BET1: variants seen among roughly 807,000 people sequenced by gnomAD.
BET1 encodes BET1 homolog.
In BET1, 9 loss-of-function variants were observed where a neutral mutation model predicts 13.9. The observed-to-expected ratio is 0.65, with a 90% CI of 0.39 to 1.13. BET1 has a LOEUF of 1.13. Among genes scored for constraint, BET1 ranks in the 50% most tolerant of loss-of-function variants. BET1 has a pLI of 0.01. For missense variants in BET1, 127 were observed against 133.6 expected (o/e 0.95, Z 0.24); for synonymous variants, 39 against 47.3 (o/e 0.82, Z 0.72).
At chr7:93,976,993 C>G (rs1028832284) in intron 4 of BET1, among the ~76,000 whole-genome samples, 2 of 152,124 alleles carry the variant, frequency 1.3e-5, no homozygotes, top group Non-Finnish European at 2.9e-5. Context: ...CAGGTTCCTG[C>G]GAATGCCCTT....
At chr7:93,964,290 A>T (rs1795140849) in exon 7 of BET1, 1 of 151,810 alleles carries the variant, frequency 6.6e-6, no homozygotes, top group African/African-American at 2.4e-5. Context: ...CCCCTTCTAC[A>T]GTGCCTGTTG....
At chr7:93,978,071 T>C (rs1315498778) in intron 4 of BET1, among the ~76,000 whole-genome samples, 1 of 132,516 alleles carries the variant, frequency 7.5e-6, no homozygotes, top group East Asian at 2.5e-4. Flanking sequence ...TCTGCAACTT[T>C]GTTTCTTTTT....
At chr7:93,986,844 T>C (rs1795536072) in intron 4 of BET1, among the ~76,000 whole-genome samples, 1 of 152,228 alleles carries the variant, frequency 6.6e-6, no homozygotes, top group Non-Finnish European at 1.5e-5. Context: ...TGCATTACCT[T>C]TTCTATGATT....
intron 2 of BET1, among the ~76,000 whole-genome samples, chr7:93,998,661 T>G (rs907326840): frequency 4.0e-5 from 6 of 151,498 alleles, no homozygotes; most frequent in East Asian, 1.9e-4. Flanking sequence ...ACTGCACCAT[T>G]GCACTCCAGC....
intron 4 of BET1, among the ~76,000 whole-genome samples, chr7:93,988,029 T>C (rs1795559559): frequency 1.3e-5 from 2 of 152,236 alleles, no homozygotes; most frequent in Non-Finnish European, 2.9e-5. Flanking sequence ...TGGTATGTTA[T>C]TAATCAAGCC....
chr7:93,989,747 TAGAA>T (rs1795595842), downstream of BET1, among the ~76,000 whole-genome samples: 1 of 152,342 alleles, frequency 6.6e-6, no homozygotes, highest in South Asian at 2.1e-4. Context: ...GTGTAACCAA[TAGAA>T]AGAATGTTTT....
At chr7:93,977,306 T>C (rs1398138312) in intron 4 of BET1, among the ~76,000 whole-genome samples, 2 of 152,008 alleles carry the variant, frequency 1.3e-5, no homozygotes, top group African/African-American at 2.4e-5. Flanking sequence ...ACTATACATA[T>C]GCAGAATTAG....
At chr7:94,001,898 A>G (rs1795915208) in intron 1 of BET1, among the ~76,000 whole-genome samples, 1 of 152,142 alleles carries the variant, frequency 6.6e-6, no homozygotes, top group South Asian at 2.1e-4. Context: ...GCTTTTGCCT[A>G]TCTTAATTTT....
chr7:93,994,536 A>G, intron 3 of BET1, 151 bp from the exon 4 acceptor site: 1 of 857,324 alleles, frequency 1.2e-6, no homozygotes, highest in Non-Finnish European at 1.7e-6. Context: ...AACCTTGGAT[A>G]ATCAGCCTGA....
At chr7:93,984,510 T>C (rs756515241) in intron 4 of BET1, among the ~76,000 whole-genome samples, 2 of 152,098 alleles carry the variant, frequency 1.3e-5, no homozygotes, top group Non-Finnish European at 2.9e-5. Context: ...AAATTCCTTC[T>C]ACTGAAGAAG....
downstream of BET1, chr7:93,992,151 C>A (rs961778772): frequency 3.0e-6 from 3 of 984,686 alleles, no homozygotes; most frequent in Non-Finnish European, 3.6e-6. Context: ...TGTGAAGGAG[C>A]AAGACAAAAT....
At position 93,994,308 on chromosome 7, in the gene BET1, T is replaced by A; in HGVS notation, c.279A>T (p.Gln93His). Residue 93 changes from glutamine (Q) to histidine (H), a missense_variant, in exon 4 of 4, where the codon CAA (glutamine) becomes CAT (histidine). Gln to His is a conservative substitution (Grantham distance 24). Coordinates refer to ENST00000222547, the MANE Select transcript of BET1 (RefSeq NM_005868.6). Reference protein sequence around the residue: ...GKLKILSRGSQTKLLCYMMLF... With the variant: ...GKLKILSRGSHTKLLCYMMLF... ...GCATCATATAGCACAGCAGCTTTGT[T>A]TGGCTCCCTCTGGATAAAATCTTCA... 6.2e-7 allele frequency: 1 copy of A among 1,613,894 alleles called. No homozygotes were observed.
rs572991911 is a variant in BET1, at chr7:93,986,225, G to C, written c.235+8127C>G. 3.3e-5 allele frequency among the ~76,000 whole-genome samples: 5 copies of C among 152,240 alleles called. No homozygotes were observed. In the South Asian group the frequency reaches 1.0e-3, roughly 32 times the overall value. Reference sequence around the variant, plus strand: ...CAGAAACTTGAATTTATAAAATAATGTTTGAATTAAATGGTATCTCATTTG... The same window carrying C: ...CAGAAACTTGAATTTATAAAATAATCTTTGAATTAAATGGTATCTCATTTG... On this transcript the variant is annotated intron_variant and NMD_transcript_variant, in intron 4 of 6. Transcript: ENST00000357520.
intron 4 of BET1, among the ~76,000 whole-genome samples, chr7:93,977,133 T>TG (rs1795350033): frequency 2.0e-5 from 3 of 152,090 alleles, no homozygotes; most frequent in Admixed American, 2.0e-4. Flanking sequence ...CTGGATGAAG[T>TG]TTCGTCTACT....
chr7:93,978,668 T>C (rs1219266895), intron 4 of BET1, among the ~76,000 whole-genome samples: 1 of 152,188 alleles, frequency 6.6e-6, no homozygotes, highest in African/African-American at 2.4e-5. Flanking sequence ...TATGTGCCCA[T>C]TTCCCAAGTT....
chr7:93,975,915 A>G, exon 5 of BET1: 1 of 1,137,576 alleles, frequency 8.8e-7, no homozygotes, highest in South Asian at 1.8e-5. Context: ...TCTTTCTTGG[A>G]AGATTTGGAA....
At chr7:93,963,944 T>C (rs1795136101) in exon 7 of BET1, 1 of 152,064 alleles carries the variant, frequency 6.6e-6, no homozygotes, top group South Asian at 2.1e-4. Flanking sequence ...TGTGTGCCTG[T>C]AGTCCCAGCT....
rs1434119017 is a variant in BET1, at chr7:93,975,819, A to G, written c.*48+85T>C. The G allele has an allele frequency of 1.9e-5, 12 of 622,652 alleles. No homozygotes were observed. The South Asian group carries it at 3.8e-4, about 20-fold the overall frequency. 38.6% of individuals were successfully genotyped at this position (622,652 alleles called of 1,614,324 possible). ...GAATGTCATGATGTTCTCTTTTAAT[A>G]TCATGCTCAATCACACCTGCCAGAT... On this transcript the variant is annotated intron_variant and NMD_transcript_variant, in intron 5 of 6. Transcript: ENST00000357520.
exon 7 of BET1, chr7:93,964,459 G>A (rs1416714153): frequency 6.6e-6 from 1 of 151,952 alleles, no homozygotes; most frequent in African/African-American, 2.4e-5. Flanking sequence ...TCTTTTTTAT[G>A]GCTATGTGAT....
Sources: gnomAD v4.1 joint callset for allele counts (sites outside exome capture counted in the v4.1 genomes callset) on GRCh38, gnomAD v4.1.1 for gene constraint, MANE v1.5 for transcripts, NCBI Gene and HGNC (gene_info 2026-07-23, HGNC 2026-07-21) for gene names.